The following RPA3 variants were observed in gnomAD, a reference collection of about 807,000 sequenced individuals.
RPA3 encodes replication protein A 14 kDa subunit.
A neutral mutation model predicts 13.7 loss-of-function variants in RPA3; 24 were observed. The ratio of observed to expected loss-of-function variants is 1.75; its 90% CI spans 1.27 to 2.46. The LOEUF (loss-of-function observed/expected upper bound fraction) is 2.46. RPA3 is among the 30% of genes most tolerant of loss of function. The probability of loss-of-function intolerance (pLI) is 0.00; values close to 1 mark genes in which losing one functional copy is unlikely to be tolerated. For missense variants in RPA3, 183 were observed against 151.0 expected, an observed-to-expected ratio of 1.21 and a Z score of -1.11; for synonymous variants, 59 against 51.2, an observed-to-expected ratio of 1.15 and a Z score of -0.65.
chr7:7,694,719 A>G (rs113028160), intron 2 of RPA3, among the ~76,000 whole-genome samples: 114 of 152,286 alleles, frequency 7.5e-4, no homozygotes, highest in African/African-American at 2.6e-3. Flanking sequence ...ACAGGATCTC[A>G]TTCTTCTTTA....
At position 7,647,708 on chromosome 7, in the gene RPA3, A is replaced by G. The variant is rs115857868; in HGVS notation, c.-757-6533T>C. 9.7e-3 allele frequency among the ~76,000 whole-genome samples: 1,470 copies of G among 152,312 alleles called. 33 individuals are homozygous for G. Among genetic ancestry groups the G allele is most frequent in the African/African-American group, 0.034 (1,414 of 41,564 alleles). ...ATGCAGCCTTGAACTCCTGAGCTCA[A>G]GGCTCAGCTTTCTGAGTAGCTGGGA... On this transcript the variant is annotated intron_variant, in intron 4 of 7. Transcript: ENST00000223129.
At chr7:7,675,006 T>A (rs1348679395) in intron 4 of RPA3, among the ~76,000 whole-genome samples, 1 of 151,978 alleles carries the variant, frequency 6.6e-6, no homozygotes, top group African/African-American at 2.4e-5. Context: ...TTTTATTATA[T>A]ATGTATTTAA....
At chr7:7,690,283 T>G (rs1428420269) in intron 2 of RPA3, among the ~76,000 whole-genome samples, 1 of 151,506 alleles carries the variant, frequency 6.6e-6, no homozygotes, top group African/African-American at 2.4e-5. Context: ...AAACCATAAT[T>G]TTTTTTTTAA....
intron 2 of RPA3, among the ~76,000 whole-genome samples, chr7:7,688,179 A>G (rs2115132963): frequency 6.6e-6 from 1 of 152,142 alleles, no homozygotes; most frequent in East Asian, 1.9e-4. Flanking sequence ...CAGATTCTCA[A>G]AGATCTGTAA....
chr7:7,712,230 G>T (rs1450806151), intron 2 of RPA3, among the ~76,000 whole-genome samples: 1 of 151,996 alleles, frequency 6.6e-6, no homozygotes, highest in Non-Finnish European at 1.5e-5. Flanking sequence ...ATAACAGATG[G>T]ATAATCACTC....
At chr7:7,683,355 A>G (rs1196183690) in intron 4 of RPA3, among the ~76,000 whole-genome samples, 1 of 152,182 alleles carries the variant, frequency 6.6e-6, no homozygotes, top group Non-Finnish European at 1.5e-5. Context: ...AGAGTTCTCC[A>G]GATGATTCTA....
chr7:7,703,557 T>G (rs1006299661), intron 2 of RPA3, among the ~76,000 whole-genome samples: 1 of 152,218 alleles, frequency 6.6e-6, no homozygotes, highest in African/African-American at 2.4e-5. Flanking sequence ...GACTCAGGTT[T>G]CAGACAAGCT....
chr7:7,671,381 C>T (rs549270482), intron 4 of RPA3, among the ~76,000 whole-genome samples: 3 of 152,242 alleles, frequency 2.0e-5, no homozygotes, highest in African/African-American at 4.8e-5. Context: ...TTTTCTGAAC[C>T]GTTTTATCCC....
At chr7:7,673,787 A>G (rs1270798494) in intron 4 of RPA3, among the ~76,000 whole-genome samples, 2 of 151,976 alleles carry the variant, frequency 1.3e-5, no homozygotes, top group African/African-American at 4.8e-5. Context: ...TATAAATAGT[A>G]CTAACCTTGT....
At chr7:7,643,490 C>G (rs1219325800) in intron 4 of RPA3, among the ~76,000 whole-genome samples, 1 of 152,188 alleles carries the variant, frequency 6.6e-6, no homozygotes. Context: ...GCGGGTGGAT[C>G]ACCTCAGATC....
At chr7:7,703,594 T>G (rs961763534) in intron 2 of RPA3, among the ~76,000 whole-genome samples, 1 of 152,138 alleles carries the variant, frequency 6.6e-6, no homozygotes, top group African/African-American at 2.4e-5. Context: ...ACAACACAGG[T>G]GCTAACAACA....
In RPA3 at chr7:7,713,275, C is replaced by T. The variant is rs539367624; in HGVS notation, c.-1028+1900G>A. ...AGGAGAATCACTTGAACCCAGGAGG[C>T]GGAGGTTGTGGTGAGCTGAGATTGC... On this transcript the variant is annotated intron_variant, in intron 2 of 7. Coordinates refer to ENST00000223129, the MANE Select transcript of RPA3 (RefSeq NM_002947.5). 9.9e-5 allele frequency among the ~76,000 whole-genome samples: 15 copies of T among 152,056 alleles called. 1 individual carries two copies. In the East Asian group the frequency reaches 2.5e-3, roughly 26 times the overall value.
chr7:7,704,315 T>C (rs1201522333), intron 2 of RPA3, among the ~76,000 whole-genome samples: 2 of 152,118 alleles, frequency 1.3e-5, no homozygotes, highest in African/African-American at 4.8e-5. Context: ...TTAATAAATA[T>C]ATTTAAAATT....
At position 7,675,018 on chromosome 7, in the gene RPA3, AT is replaced by A. The variant is rs1041552838; in HGVS notation, c.-758+10811del. Among the ~76,000 whole-genome samples the A allele has an allele frequency of 5.9e-5, 9 of 152,014 alleles. 1 individual carries two copies. Among genetic ancestry groups the A allele is most frequent in the African/African-American group, 2.2e-4 (9 of 41,480 alleles). ...TGTTTTTATTATATATGTATTTAAA[AT>A]TTTTTTTAAAATTATTTTTAAAGAA... On this transcript the variant is annotated intron_variant, in intron 4 of 7. Coordinates refer to ENST00000223129, the MANE Select transcript of RPA3 (RefSeq NM_002947.5).
At chr7:7,695,482 T>C (rs1236628235) in intron 2 of RPA3, among the ~76,000 whole-genome samples, 5 of 152,212 alleles carry the variant, frequency 3.3e-5, no homozygotes, top group Admixed American at 3.3e-4. Flanking sequence ...TTATTACATG[T>C]TTCTCAACCA....
intron 1 of RPA3, among the ~76,000 whole-genome samples, chr7:7,715,913 A>C (rs867114761): frequency 6.6e-6 from 1 of 152,248 alleles, no homozygotes; most frequent in African/African-American, 2.4e-5. Flanking sequence ...ACTTTGGTGA[A>C]AACTATCACT....
chr7:7,650,228 A>G (rs1381725804), intron 4 of RPA3, among the ~76,000 whole-genome samples: 1 of 152,186 alleles, frequency 6.6e-6, no homozygotes, highest in Non-Finnish European at 1.5e-5. Context: ...CTGCCTAGAC[A>G]TTATTATTGC....
At chr7:7,654,922 G>A (rs536688144) in intron 4 of RPA3, among the ~76,000 whole-genome samples, 4 of 149,538 alleles carry the variant, frequency 2.7e-5, no homozygotes, top group Non-Finnish European at 5.9e-5. Context: ...AAAAAAATTT[G>A]TGATATTTTT....
intron 2 of RPA3, among the ~76,000 whole-genome samples, chr7:7,702,205 A>T (rs1037780505): frequency 6.6e-6 from 1 of 152,222 alleles, no homozygotes; most frequent in African/African-American, 2.4e-5. Flanking sequence ...TGATAATATC[A>T]GAACAGTAAA....
Sources: gnomAD v4.1 joint callset for allele counts (sites outside exome capture counted in the v4.1 genomes callset) on GRCh38, gnomAD v4.1.1 for gene constraint, MANE v1.5 for transcripts, NCBI Gene and HGNC (gene_info 2026-07-23, HGNC 2026-07-21) for gene names.